Variants in SORCS1 observed in about 807,000 individuals in gnomAD.
SORCS1 encodes VPS10 domain-containing receptor SorCS1.
SORCS1 carries 60 observed loss-of-function variants against 146.1 expected under a neutral mutation model. The observed-to-expected ratio is 0.41, with a 90% CI of 0.33 to 0.51. The LOEUF (loss-of-function observed/expected upper bound fraction) is 0.51. Ranked by LOEUF, SORCS1 falls within the 20% of genes least tolerant of loss-of-function variation. The pLI is 0.21. For missense variants in SORCS1, 1,352 were observed against 1,487.6 expected (o/e 0.91, Z 1.50); for synonymous variants, 637 against 584.0 (o/e 1.09, Z -1.31).
At chr10:106,758,935 T>C (rs1199552254) in intron 5 of SORCS1, among the ~76,000 whole-genome samples, 1 of 152,184 alleles carries the variant, frequency 6.6e-6, no homozygotes, top group East Asian at 1.9e-4. Context: ...CTCATTATGA[T>C]AGGGGAAAAA....
chr10:106,798,807 A>G (rs1260095454), intron 3 of SORCS1, among the ~76,000 whole-genome samples: 1 of 152,194 alleles, frequency 6.6e-6, no homozygotes, highest in Non-Finnish European at 1.5e-5. Flanking sequence ...ATACCCAGTA[A>G]TGGGATGGCT....
chr10:106,670,491 A>C (rs1487319649), intron 16 of SORCS1, among the ~76,000 whole-genome samples: 1 of 152,182 alleles, frequency 6.6e-6, no homozygotes, highest in Non-Finnish European at 1.5e-5. Context: ...TCTTCCATGA[A>C]TCTCATAAGC....
At chr10:107,137,826 C>A (rs1253901687) in intron 1 of SORCS1, among the ~76,000 whole-genome samples, 3 of 149,582 alleles carry the variant, frequency 2.0e-5, no homozygotes. Context: ...CATGCCATTG[C>A]ACTCCAGCCT....
At chr10:106,652,225 G>A (rs1411785621) in intron 18 of SORCS1, among the ~76,000 whole-genome samples, 157 bp downstream of exon 18, 1 of 151,952 alleles carries the variant, frequency 6.6e-6, no homozygotes, top group East Asian at 1.9e-4. Context: ...AAGGTGAAGT[G>A]ATAATAAAAG....
intron 3 of SORCS1, among the ~76,000 whole-genome samples, chr10:106,823,439 A>G (rs948782228): frequency 2.0e-5 from 3 of 152,218 alleles, no homozygotes; most frequent in Non-Finnish European, 4.4e-5. Flanking sequence ...ATAGTTAGAG[A>G]AAAGAAAGGA....
At position 106,767,621 on chromosome 10, in the gene SORCS1, T is replaced by C. The variant is rs188531550; in HGVS notation, c.886-5960A>G. Among the ~76,000 whole-genome samples the C allele has an allele frequency of 3.5e-3, 533 of 152,218 alleles. 9 individuals are homozygous for C. Among genetic ancestry groups the C allele is most frequent in the African/African-American group, 0.012 (513 of 41,536 alleles). On this transcript the variant is annotated intron_variant, in intron 4 of 25. Coordinates refer to ENST00000263054, the MANE Select transcript of SORCS1 (RefSeq NM_052918.5). The stretch of plus-strand genomic sequence containing the variant: ...CCCCTGCCTCAGCCTCCCCATTAGC[T>C]AGGATCACAGGCATGCACCACCACG...
chr10:106,593,434 T>C (rs1050172953), intron 24 of SORCS1, among the ~76,000 whole-genome samples: 1 of 152,222 alleles, frequency 6.6e-6, no homozygotes, highest in African/African-American at 2.4e-5. Flanking sequence ...TGAGTGACTG[T>C]GCTCCTGTGG....
chr10:107,000,152 T>C (rs972974374), intron 1 of SORCS1, among the ~76,000 whole-genome samples: 3 of 152,320 alleles, frequency 2.0e-5, no homozygotes, highest in East Asian at 3.9e-4. Context: ...TTGAAATAAA[T>C]AATTTTTTAA....
At chr10:107,072,303 G>C (rs1011976885) in intron 1 of SORCS1, among the ~76,000 whole-genome samples, 1 of 152,158 alleles carries the variant, frequency 6.6e-6, no homozygotes, top group Non-Finnish European at 1.5e-5. Flanking sequence ...AGAAGGGTAG[G>C]TTTGGAGCTA....
At chr10:106,683,957 A>G (rs564144859) in intron 10 of SORCS1, among the ~76,000 whole-genome samples, 8 of 152,268 alleles carry the variant, frequency 5.3e-5, no homozygotes, top group East Asian at 3.9e-4. Context: ...AGACAATGGA[A>G]GAAAGGTGAA....
chr10:106,799,664 A>C (rs1437712676), intron 3 of SORCS1, among the ~76,000 whole-genome samples: 1 of 152,208 alleles, frequency 6.6e-6, no homozygotes, highest in Non-Finnish European at 1.5e-5. Context: ...AGAAACGCAG[A>C]TCAAAACCAC....
intron 2 of SORCS1, among the ~76,000 whole-genome samples, chr10:106,873,612 T>G (rs761768704): frequency 2.7e-5 from 4 of 150,710 alleles, no homozygotes. Flanking sequence ...CAAAGTCACC[T>G]ACTTTAATTT....
intron 3 of SORCS1, among the ~76,000 whole-genome samples, chr10:106,811,428 T>C (rs1947453768): frequency 6.6e-6 from 1 of 152,240 alleles, no homozygotes. Context: ...TTGGTCTACG[T>C]GCAGCAGAAC....
intron 1 of SORCS1, among the ~76,000 whole-genome samples, chr10:106,978,730 G>T (rs1367440697): frequency 6.6e-6 from 1 of 151,692 alleles, no homozygotes; most frequent in African/African-American, 2.4e-5. Context: ...CCCAGGAGGC[G>T]GAGGTAGCAG....
intron 1 of SORCS1, among the ~76,000 whole-genome samples, chr10:107,027,810 T>C (rs2133910551): frequency 6.6e-6 from 1 of 152,302 alleles, no homozygotes; most frequent in South Asian, 2.1e-4. Flanking sequence ...TGGCAAATTA[T>C]CTCTGTGGAT....
intron 1 of SORCS1, among the ~76,000 whole-genome samples, chr10:107,047,439 T>C (rs1959615978): frequency 6.6e-6 from 1 of 152,214 alleles, no homozygotes; most frequent in African/African-American, 2.4e-5. Context: ...AGGTTATTAT[T>C]TTGTTACTGT....
intron 1 of SORCS1, among the ~76,000 whole-genome samples, chr10:107,035,591 T>G (rs1386756724): frequency 6.6e-6 from 1 of 152,204 alleles, no homozygotes; most frequent in Non-Finnish European, 1.5e-5. Context: ...AATCAGATTT[T>G]CTACAGATGA....
At chr10:106,881,076 C>CAAAAA (rs59128024) in intron 2 of SORCS1, among the ~76,000 whole-genome samples, 10 of 69,060 alleles carry the variant, frequency 1.4e-4, no homozygotes, top group African/African-American at 4.1e-4. Context: ...GACTCTGTCT[C>CAAAAA]AAAAAAAAAA....
At chr10:106,672,782 T>G in intron 15 of SORCS1, 86 bp downstream of exon 15, 1 of 1,122,306 alleles carries the variant, frequency 8.9e-7, no homozygotes, top group East Asian at 2.4e-5. Context: ...TAGAGCATCC[T>G]AGTTCCTATA....
Sources: gnomAD v4.1 joint callset for allele counts (sites outside exome capture counted in the v4.1 genomes callset) on GRCh38, gnomAD v4.1.1 for gene constraint, MANE v1.5 for transcripts, NCBI Gene and HGNC (gene_info 2026-07-23, HGNC 2026-07-21) for gene names.